NAALADL2: variants seen among roughly 807,000 people sequenced by gnomAD.
NAALADL2 encodes inactive N-acetylated-alpha-linked acidic dipeptidase-like protein 2.
A neutral mutation model predicts 87.2 loss-of-function variants in NAALADL2; 76 were observed. The observed-to-expected ratio is 0.87, with a 90% CI of 0.72 to 1.05. NAALADL2 has a LOEUF of 1.05. Ranked by LOEUF, NAALADL2 falls within the 50% of genes least tolerant of loss-of-function variation. The pLI, the probability that NAALADL2 is intolerant of heterozygous loss-of-function variation, is 0.00. For missense variants in NAALADL2, 1,089 were observed against 945.8 expected (o/e 1.15, Z -1.99); for synonymous variants, 354 against 331.0 (o/e 1.07, Z -0.75).
intron 1 of NAALADL2, among the ~76,000 whole-genome samples, chr3:175,001,529 A>T (rs778160160): frequency 6.6e-6 from 1 of 151,964 alleles, no homozygotes; most frequent in Non-Finnish European, 1.5e-5. Context: ...AAGCTGAATA[A>T]CTCCTTTTGC....
chr3:175,204,378 A>T (rs1740507950), intron 2 of NAALADL2, among the ~76,000 whole-genome samples: 1 of 152,202 alleles, frequency 6.6e-6, no homozygotes, highest in Non-Finnish European at 1.5e-5. Context: ...AGAAAAATAC[A>T]TTCACAATAT....
At chr3:175,542,831 C>A (rs2149472929) in intron 9 of NAALADL2, among the ~76,000 whole-genome samples, 1 of 152,298 alleles carries the variant, frequency 6.6e-6, no homozygotes, top group Non-Finnish European at 1.5e-5. Context: ...CAATTCAATT[C>A]ACTTGTGACC....
At chr3:174,547,413 G>A (rs1480868184) in intron 1 of NAALADL2, among the ~76,000 whole-genome samples, 1 of 152,124 alleles carries the variant, frequency 6.6e-6, no homozygotes, top group African/African-American at 2.4e-5. Flanking sequence ...ATAGTGTCCT[G>A]TGTGGGATTA....
At chr3:175,588,158 A>G (rs1720819923) in intron 10 of NAALADL2, among the ~76,000 whole-genome samples, 1 of 152,102 alleles carries the variant, frequency 6.6e-6, no homozygotes, top group Non-Finnish European at 1.5e-5. Flanking sequence ...AACGCCTGGT[A>G]GGAAAAGTAT....
intron 2 of NAALADL2, among the ~76,000 whole-genome samples, chr3:174,608,502 A>G (rs1354078156): frequency 1.3e-5 from 2 of 151,514 alleles, no homozygotes; most frequent in Non-Finnish European, 3.0e-5. Flanking sequence ...TCCCACAGAA[A>G]TACAAACTAC....
intron 2 of NAALADL2, among the ~76,000 whole-genome samples, chr3:175,098,837 C>T (rs1721620106): frequency 1.3e-5 from 2 of 150,786 alleles, no homozygotes; most frequent in Admixed American, 6.6e-5. Context: ...TACAAAATGT[C>T]TTCTGGAAAA....
intron 1 of NAALADL2, among the ~76,000 whole-genome samples, chr3:174,446,649 G>A (rs968544952): frequency 1.3e-5 from 2 of 152,040 alleles, no homozygotes; most frequent in Non-Finnish European, 2.9e-5. Context: ...GTTTCTTGGG[G>A]CATCCAGTTC....
chr3:174,722,911 G>A (rs150437673), intron 2 of NAALADL2, among the ~76,000 whole-genome samples: 87 of 152,242 alleles, frequency 5.7e-4, no homozygotes, highest in Non-Finnish European at 1.1e-3. Flanking sequence ...TGACTCTAAA[G>A]ACAAACTTGA....
At chr3:175,318,498 T>A (rs1350531243) in intron 4 of NAALADL2, among the ~76,000 whole-genome samples, 2 of 152,166 alleles carry the variant, frequency 1.3e-5, no homozygotes, top group African/African-American at 4.8e-5. Context: ...CTCAAAAAAC[T>A]TTTGTTAGTT....
intron 2 of NAALADL2, among the ~76,000 whole-genome samples, chr3:174,557,998 G>A (rs1330914034): frequency 6.6e-6 from 1 of 152,142 alleles, no homozygotes; most frequent in Non-Finnish European, 1.5e-5. Flanking sequence ...ACTGGGGAGT[G>A]GTCAGGGAGG....
chr3:175,389,700 C>A (rs1227284339), intron 5 of NAALADL2, among the ~76,000 whole-genome samples: 2 of 152,146 alleles, frequency 1.3e-5, no homozygotes, highest in Non-Finnish European at 2.9e-5. Context: ...ACTGAAAGGA[C>A]TGAGACAAGT....
intron 5 of NAALADL2, among the ~76,000 whole-genome samples, chr3:175,345,753 C>T (rs182426821): frequency 3.3e-5 from 5 of 152,088 alleles, no homozygotes; most frequent in African/African-American, 9.6e-5. Flanking sequence ...GAATGGAGCC[C>T]GCAATTCCAT....
At chr3:174,686,845 C>T (rs1226264934) in intron 2 of NAALADL2, among the ~76,000 whole-genome samples, 1 of 151,840 alleles carries the variant, frequency 6.6e-6, no homozygotes, top group Non-Finnish European at 1.5e-5. Context: ...ACTATAAAAG[C>T]CCTGGAAAAC....
intron 1 of NAALADL2, among the ~76,000 whole-genome samples, chr3:174,897,020 G>A (rs1251602992): frequency 6.6e-6 from 1 of 152,138 alleles, no homozygotes. Context: ...TAAAATTGAA[G>A]TGGATTAAAG....
chr3:175,743,570 G>A (rs751095596), intron 12 of NAALADL2, among the ~76,000 whole-genome samples: 4 of 152,212 alleles, frequency 2.6e-5, no homozygotes, highest in East Asian at 1.9e-4. Context: ...CCAGATGTAC[G>A]TGAAGGATGT....
At chr3:175,132,190 T>C in intron 2 of NAALADL2, among the ~76,000 whole-genome samples, 1 of 81,484 alleles carries the variant, frequency 1.2e-5, no homozygotes, top group Non-Finnish European at 2.3e-5. Flanking sequence ...GAGGGGCTCC[T>C]CACTTCCCAG....
At chr3:175,684,643 C>T (rs1736024787) in intron 11 of NAALADL2, among the ~76,000 whole-genome samples, 1 of 152,010 alleles carries the variant, frequency 6.6e-6, no homozygotes, top group South Asian at 2.1e-4. Flanking sequence ...AACAAACAAA[C>T]AAACAAATAA....
chr3:175,581,180 G>A (rs1312436741), intron 10 of NAALADL2: 2 of 377,030 alleles, frequency 5.3e-6, no homozygotes, highest in South Asian at 4.0e-5. Context: ...GGTGGCTCAT[G>A]CCTGTCATCT....
At chr3:175,717,434 G>A (rs1741463261) in intron 11 of NAALADL2, among the ~76,000 whole-genome samples, 1 of 152,184 alleles carries the variant, frequency 6.6e-6, no homozygotes, top group Middle Eastern at 3.4e-3. Context: ...GCTCACACCT[G>A]TAATCCCAGC....
Sources: gnomAD v4.1 joint callset for allele counts (sites outside exome capture counted in the v4.1 genomes callset) on GRCh38, gnomAD v4.1.1 for gene constraint, MANE v1.5 for transcripts, NCBI Gene and HGNC (gene_info 2026-07-23, HGNC 2026-07-21) for gene names.